Variants in BRINP1 observed in about 807,000 individuals in gnomAD.
BRINP1 encodes BMP/retinoic acid-inducible neural-specific protein 1.
In BRINP1, 17 loss-of-function variants were observed where a neutral mutation model predicts 72.9. The observed-to-expected ratio is 0.23, with a 90% CI of 0.16 to 0.35. BRINP1 has a LOEUF of 0.35. Ranked by LOEUF, BRINP1 falls within the 10% of genes least tolerant of loss-of-function variation. The pLI is 1.00. For missense variants in BRINP1, 850 were observed against 1,001.6 expected (o/e 0.85, Z 2.04); for synonymous variants, 418 against 378.5 (o/e 1.10, Z -1.21).
chr9:119,257,735 G>A (rs1207463682), intron 2 of BRINP1, among the ~76,000 whole-genome samples: 1 of 152,112 alleles, frequency 6.6e-6, no homozygotes, highest in Non-Finnish European at 1.5e-5. Flanking sequence ...GCTGAGAGAG[G>A]AAAGAAGGCA....
At chr9:119,314,513 G>A (rs1831106002) in intron 1 of BRINP1, among the ~76,000 whole-genome samples, 1 of 152,060 alleles carries the variant, frequency 6.6e-6, no homozygotes, top group South Asian at 2.1e-4. Flanking sequence ...CTACAGTCAC[G>A]TGCCACCACA....
chr9:119,346,416 T>C (rs894262912), intron 1 of BRINP1, among the ~76,000 whole-genome samples: 5 of 152,212 alleles, frequency 3.3e-5, no homozygotes, highest in Non-Finnish European at 5.9e-5. Flanking sequence ...GGAAAGGTTA[T>C]TTAACAAAAC....
intron 1 of BRINP1, among the ~76,000 whole-genome samples, chr9:119,329,619 G>T (rs530605159): frequency 6.6e-6 from 1 of 152,254 alleles, no homozygotes; most frequent in South Asian, 2.1e-4. Context: ...CCAAGGAACT[G>T]AGCTCCCATT....
In BRINP1 at chr9:119,218,685, T is replaced by G. The variant is rs747263439; in HGVS notation, c.686-4530A>C. Among the ~76,000 whole-genome samples the G allele has an allele frequency of 4.8e-4, 72 of 151,380 alleles. 1 individual carries two copies. The highest frequency in any genetic ancestry group is 3.9e-4 in the Admixed American group (6 of 15,200). On this transcript the variant is annotated intron_variant, in intron 5 of 7. Transcript: ENST00000265922. ...CGAGGGTGACCTGGCTTACAACCCC[T>G]GTGGTGGCTCCAGCACAGTTGAGAC...
intron 7 of BRINP1, among the ~76,000 whole-genome samples, chr9:119,181,183 A>G (rs1002229320): frequency 6.6e-5 from 10 of 152,210 alleles, no homozygotes; most frequent in African/African-American, 2.4e-4. Flanking sequence ...GTGGAGGGCT[A>G]CAAGAGTGGT....
intron 1 of BRINP1, among the ~76,000 whole-genome samples, chr9:119,322,030 C>T (rs1831194676): frequency 6.6e-6 from 1 of 152,160 alleles, no homozygotes; most frequent in Non-Finnish European, 1.5e-5. Flanking sequence ...GGTTGAGCCA[C>T]TCTCCTCTTG....
intron 1 of BRINP1, among the ~76,000 whole-genome samples, chr9:119,366,875 G>A (rs1272072238): frequency 1.3e-5 from 2 of 151,930 alleles, no homozygotes; most frequent in Non-Finnish European, 2.9e-5. Flanking sequence ...AGGCCACAGA[G>A]TCCTGCCTTT....
chr9:119,312,558 G>A (rs1831078433), intron 2 of BRINP1, among the ~76,000 whole-genome samples: 1 of 152,106 alleles, frequency 6.6e-6, no homozygotes, highest in African/African-American at 2.4e-5. Flanking sequence ...TCTTTTTTTG[G>A]ATGAGTAGAA....
intron 1 of BRINP1, among the ~76,000 whole-genome samples, chr9:119,357,946 A>AACAT (rs1831585567): frequency 6.6e-6 from 1 of 152,198 alleles, no homozygotes; most frequent in African/African-American, 2.4e-5. Flanking sequence ...TCAAGGACAG[A>AACAT]ACATACATAC....
At chr9:119,312,449 G>T (rs1419637656) in intron 2 of BRINP1, among the ~76,000 whole-genome samples, 1 of 152,146 alleles carries the variant, frequency 6.6e-6, no homozygotes, top group Admixed American at 6.5e-5. Flanking sequence ...AATTAAAGAG[G>T]TGTTAGTGTA....
chr9:119,227,230 C>A (rs1432537493), intron 5 of BRINP1, among the ~76,000 whole-genome samples: 1 of 151,928 alleles, frequency 6.6e-6, no homozygotes, highest in Non-Finnish European at 1.5e-5. Context: ...ATTAAAAGAC[C>A]TAAGGAAGCT....
intron 2 of BRINP1, among the ~76,000 whole-genome samples, chr9:119,309,487 G>A (rs1481213986): frequency 6.6e-6 from 1 of 152,180 alleles, no homozygotes; most frequent in Non-Finnish European, 1.5e-5. Context: ...TCCCTTCAGA[G>A]TGTGGCTATG....
At chr9:119,183,454 T>C (rs1435629401) in intron 7 of BRINP1, among the ~76,000 whole-genome samples, 1 of 151,878 alleles carries the variant, frequency 6.6e-6, no homozygotes, top group East Asian at 1.9e-4. Flanking sequence ...TGGAAAAAAA[T>C]AATTCCCTTG....
At chr9:119,351,903 G>A (rs1396188765) in intron 1 of BRINP1, among the ~76,000 whole-genome samples, 4 of 151,422 alleles carry the variant, frequency 2.6e-5, no homozygotes, top group East Asian at 1.9e-4. Context: ...TGAAACCTCC[G>A]CCTCCTGGGT....
In BRINP1 at chr9:119,190,525, T is replaced by C. The variant is rs117275591; in HGVS notation, c.1145+18194A>G. On this transcript the variant is annotated intron_variant, in intron 7 of 7. Coordinates refer to ENST00000265922, the MANE Select transcript of BRINP1 (RefSeq NM_014618.3). ...ATCATAAGGGACTATTATGAACAAT[T>C]ATATGCCAACAAATTGGATAACCTG... 8.0e-3 allele frequency among the ~76,000 whole-genome samples: 1,217 copies of C among 152,002 alleles called. 5 individuals carry two copies. Among genetic ancestry groups the C allele is most frequent in the Non-Finnish European group, 0.012 (812 of 67,858 alleles).
intron 2 of BRINP1, among the ~76,000 whole-genome samples, chr9:119,250,313 A>C: frequency 6.6e-6 from 1 of 152,212 alleles, no homozygotes; most frequent in East Asian, 1.9e-4. Context: ...TTTTAAAGCA[A>C]TTAAGCTATG....
intron 2 of BRINP1, among the ~76,000 whole-genome samples, chr9:119,262,897 A>T (rs186707907): frequency 6.6e-6 from 1 of 152,296 alleles, no homozygotes; most frequent in East Asian, 1.9e-4. Context: ...TAATTTTGGG[A>T]GTAAGGTTTT....
At chr9:119,313,473 G>A in intron 1 of BRINP1, 68 bp from the exon 2 acceptor site, 2 of 1,299,534 alleles carry the variant, frequency 1.5e-6, no homozygotes, top group Non-Finnish European at 2.1e-6. Context: ...GAGAGGGGAA[G>A]AGGAGTAAAA....
intron 5 of BRINP1, among the ~76,000 whole-genome samples, chr9:119,224,460 C>G (rs1830071844): frequency 6.6e-6 from 1 of 152,034 alleles, no homozygotes; most frequent in Non-Finnish European, 1.5e-5. Context: ...TTAGCACAGT[C>G]AAGACACTGA....
Sources: gnomAD v4.1 joint callset for allele counts (sites outside exome capture counted in the v4.1 genomes callset) on GRCh38, gnomAD v4.1.1 for gene constraint, MANE v1.5 for transcripts, NCBI Gene and HGNC (gene_info 2026-07-23, HGNC 2026-07-21) for gene names.